The following SYPL2 variants were observed in gnomAD, a reference collection of about 807,000 sequenced individuals.
SYPL2 encodes the protein synaptophysin-like protein 2.
SYPL2 carries 24 observed loss-of-function variants against 31.3 expected under a neutral mutation model. The observed-to-expected ratio is 0.77, with a 90% CI of 0.56 to 1.08. The LOEUF is 1.08. SYPL2 is among the 50% of genes least tolerant of loss of function. SYPL2 has a pLI of 0.00. For missense variants in SYPL2, 342 were observed against 360.1 expected, an observed-to-expected ratio of 0.95 and a Z score of 0.41; for synonymous variants, 144 against 143.1, an observed-to-expected ratio of 1.01 and a Z score of -0.05.
intron 4 of SYPL2, 125 bp from the exon 5 acceptor site, chr1:109,477,693 G>C: frequency 2.9e-6 from 4 of 1,385,016 alleles, no homozygotes; most frequent in Non-Finnish European, 3.9e-6. Flanking sequence ...TCTAGGTGTT[G>C]GGTAGGATGG....
chr1:109,470,190 A>G (rs563448436), intron 2 of SYPL2, among the ~76,000 whole-genome samples: 57 of 152,302 alleles, frequency 3.7e-4, no homozygotes, highest in African/African-American at 1.3e-3. Context: ...GGGTCTTGCT[A>G]TGCTGCCCCA....
At chr1:109,477,539 G>A (rs1656038704) in intron 4 of SYPL2, among the ~76,000 whole-genome samples, 1 of 152,154 alleles carries the variant, frequency 6.6e-6, no homozygotes, top group Non-Finnish European at 1.5e-5. Context: ...CTCCACTTGG[G>A]ATGAGTGGGT....
chr1:109,473,111 G>A (rs1020216439), intron 2 of SYPL2, among the ~76,000 whole-genome samples: 4 of 152,140 alleles, frequency 2.6e-5, no homozygotes, highest in African/African-American at 9.7e-5. Flanking sequence ...AAAGATTAGC[G>A]AATTCCTATG....
chr1:109,468,184 T>C (rs1448773370), intron 2 of SYPL2, among the ~76,000 whole-genome samples: 2 of 152,210 alleles, frequency 1.3e-5, no homozygotes, highest in African/African-American at 4.8e-5. Flanking sequence ...GCAGAAGAGA[T>C]TTTAAATTAG....
At position 109,466,724 on chromosome 1, in the gene SYPL2, C is replaced by T. The variant is rs377023677; in HGVS notation, c.-120C>T. On this transcript the variant is annotated 5_prime_UTR_variant, in exon 1 of 6. Coordinates refer to ENST00000369872, the MANE Select transcript of SYPL2 (RefSeq NM_001040709.2). ...TCCGGCCCACCGACGGCCGCTCGCG[C>T]TCCGGCCCCGCTCGCCTGCTCTGCC... The T allele has an allele frequency of 3.7e-5, 42 of 1,141,024 alleles. No homozygotes were observed. In the East Asian group the frequency reaches 4.6e-4, roughly 13 times the overall value. 70.7% of individuals were successfully genotyped at this position (1,141,024 alleles called of 1,614,324 possible). A position where few individuals can be genotyped will look rare whatever the true frequency, so the allele number is the denominator to read the frequency against.
At position 109,478,176 on chromosome 1, in the gene SYPL2, C is replaced by T; in HGVS notation, c.648+167C>T. 1.4e-6 allele frequency: 2 copies of T among 1,409,530 alleles called. No individual in the cohort carries two copies. The highest frequency in any genetic ancestry group is 1.9e-6 in the Non-Finnish European group (2 of 1,078,150). The allele number at this position is 1,409,530 out of a possible 1,614,324, so 87.3% of individuals were successfully genotyped here. Reference sequence around the variant, plus strand: ...TGCTGGCTGCTGGCTCCTGGCTGACCCTGAGAGGACATTTTGGGATGAGGG... The same window carrying T: ...TGCTGGCTGCTGGCTCCTGGCTGACTCTGAGAGGACATTTTGGGATGAGGG... On this transcript the variant is annotated intron_variant, in intron 5 of 5. Transcript: ENST00000369872. This position sits in a 1 kb window ranked among gnomAD's most constrained non-coding sequence, Gnocchi z 4.0.
At position 109,479,514 on chromosome 1, in the gene SYPL2, G is replaced by A. The variant is rs756886402; in HGVS notation, c.785G>A (p.Ser262Asn). 8.1e-6 allele frequency: 13 copies of A among 1,614,108 alleles called. No homozygotes were observed. The highest frequency in any genetic ancestry group is 1.0e-5 in the Non-Finnish European group (12 of 1,180,048). Residue 262 changes from serine to asparagine, a missense_variant, in exon 6 of 6, where the codon AGT becomes AAT. Coordinates refer to ENST00000369872, the MANE Select transcript of SYPL2 (RefSeq NM_001040709.2). ...QDQGQGPSQE[S>N]AAEQGAVEKQ Reference sequence around the variant, plus strand: ...CAGGGCCAGGGTCCCAGCCAGGAGAGTGCAGCTGAGCAGGGAGCAGTGGAG... The same window carrying A: ...CAGGGCCAGGGTCCCAGCCAGGAGAATGCAGCTGAGCAGGGAGCAGTGGAG...
At chr1:109,479,070 G>A (rs935993636) in intron 5 of SYPL2, among the ~76,000 whole-genome samples, 1 of 152,242 alleles carries the variant, frequency 6.6e-6, no homozygotes, top group Non-Finnish European at 1.5e-5. Context: ...GCGCCCCAGG[G>A]CTGACTTTTG....
In SYPL2 at chr1:109,476,801, C is replaced by T. The variant is rs1656011325; in HGVS notation, c.280C>T (p.Pro94Ser). Reference protein sequence around the residue: ...FRLHRIQYEMPLCDEESSSKT... With the variant: ...FRLHRIQYEMSLCDEESSSKT... ...GTTGCACCGGATCCAATATGAGATG[C>T]CCCTCTGCGATGAAGAGTCCAGCTC... Residue 94 changes from proline (P) to serine (S), a missense_variant, in exon 4 of 6, where the codon CCC becomes TCC. Transcript: ENST00000369872. 2 of 1,614,144 alleles carry T rather than the reference C, an allele frequency of 1.2e-6. No individual in the cohort carries two copies. The highest frequency in any genetic ancestry group is 1.7e-6 in the Non-Finnish European group (2 of 1,180,024).
chr1:109,468,246 T>C (rs1015119137), intron 2 of SYPL2, among the ~76,000 whole-genome samples: 1 of 152,228 alleles, frequency 6.6e-6, no homozygotes, highest in Admixed American at 6.5e-5. Context: ...GTGCTCTCAG[T>C]ACAGAATTCA....
At chr1:109,472,605 CTTTTT>C (rs59224604) in intron 2 of SYPL2, among the ~76,000 whole-genome samples, 7 of 71,076 alleles carry the variant, frequency 9.8e-5, no homozygotes, top group African/African-American at 2.4e-4. Flanking sequence ...TTTTTCTTTA[CTTTTT>C]TTTTTTTTTT....
chr1:109,467,477 G>A (rs1267902125), intron 2 of SYPL2, among the ~76,000 whole-genome samples: 2 of 152,170 alleles, frequency 1.3e-5, no homozygotes, highest in East Asian at 3.9e-4. Context: ...CGGGAGGGGG[G>A]AGAAGGACGA....
intron 5 of SYPL2, 114 bp from the exon 6 acceptor site, chr1:109,479,264 C>G: frequency 8.5e-7 from 1 of 1,179,642 alleles, no homozygotes; most frequent in Non-Finnish European, 1.2e-6. Context: ...CTTTCTAGTC[C>G]TCTGTGCTTC....
chr1:109,480,223 A>G lies in SYPL2; in HGVS notation c.*675A>G, dbSNP rs1462260937. ...TCAGCTGGGAGCAAGATAAATTGCAACTGAGTTGCAGCTTCAAGAAAGTAA... is the reference window on the plus strand; with the variant it reads ...TCAGCTGGGAGCAAGATAAATTGCAGCTGAGTTGCAGCTTCAAGAAAGTAA... On this transcript the variant is annotated 3_prime_UTR_variant, in exon 6 of 6. Transcript: ENST00000369872. 6.6e-6 allele frequency: 1 copy of G among 152,228 alleles called. No individual in the cohort carries two copies. The highest frequency in any genetic ancestry group is 1.5e-5 in the Non-Finnish European group (1 of 68,058). 9.4% of individuals were successfully genotyped at this position (152,228 alleles called of 1,614,324 possible). A position where few individuals can be genotyped will look rare whatever the true frequency, so the allele number is the denominator to read the frequency against.
intron 2 of SYPL2, among the ~76,000 whole-genome samples, chr1:109,470,413 G>A (rs935106038): frequency 3.3e-5 from 5 of 152,236 alleles, no homozygotes; most frequent in Non-Finnish European, 7.3e-5. Flanking sequence ...ATTATCACCA[G>A]CGAGCATGTC....
intron 4 of SYPL2, 35 bp downstream of exon 4, chr1:109,477,012 G>A (rs1557861375): frequency 1.2e-6 from 2 of 1,612,064 alleles, no homozygotes; most frequent in Admixed American, 1.7e-5. Context: ...ATGGGGTGGA[G>A]AAACAGATGT....
Position 109,477,955 on chromosome 1 carries a change from A to G in SYPL2, c.594A>G (p.Glu198=), listed in dbSNP as rs1367453874. The change falls in exon 5 of 6, where the codon GAA becomes GAG. Residue 198 remains glutamate, a synonymous_variant. Transcript: ENST00000369872. The part of the protein sequence containing the change: ...TAAMSVCHGE[E]AVCSAGATPS... ...CCATGTCAGTGTGCCATGGAGAGGA[A>G]GCAGTGTGCAGTGCCGGGGCCACGC... 6.2e-7 allele frequency: 1 copy of G among 1,614,240 alleles called. No individual in the cohort carries two copies. The highest frequency in any genetic ancestry group is 2.2e-5 in the East Asian group (1 of 44,876).
Position 109,478,056 on chromosome 1 carries a change from A to G in SYPL2, c.648+47A>G. ...GGAAGCAGCACCAGCCCTGCTGCCC[A>G]GGCCTGTCCCAGCTAGCAGGTCCTG... On this transcript the variant is annotated intron_variant, in intron 5 of 5. Coordinates refer to ENST00000369872, the MANE Select transcript of SYPL2 (RefSeq NM_001040709.2). This position sits in a 1 kb window ranked among gnomAD's most constrained non-coding sequence, Gnocchi z 4.0. 16 of 1,605,198 alleles carry G rather than the reference A, an allele frequency of 1.0e-5. No individual in the cohort carries two copies. Among genetic ancestry groups the G allele is most frequent in the Non-Finnish European group, 1.3e-5 (15 of 1,176,154 alleles).
At position 109,479,585 on chromosome 1, in the gene SYPL2, A is replaced by G. The variant is rs180705097; in HGVS notation, c.*37A>G. The G allele has an allele frequency of 2.4e-4, 376 of 1,592,636 alleles. 5 individuals carry two copies. The East Asian group carries it at 8.4e-3, about 35-fold the overall frequency. Reference sequence around the variant, plus strand: ...CCTGGCTATTCCCGAACTGGACAGCACCTCTTCAACCACCTCCGGCTTCCA... The same window carrying G: ...CCTGGCTATTCCCGAACTGGACAGCGCCTCTTCAACCACCTCCGGCTTCCA... On this transcript the variant is annotated 3_prime_UTR_variant, in exon 6 of 6. Coordinates refer to ENST00000369872, the MANE Select transcript of SYPL2 (RefSeq NM_001040709.2).
Sources: gnomAD v4.1 joint callset for allele counts (sites outside exome capture counted in the v4.1 genomes callset) on GRCh38, gnomAD v4.1.1 for gene constraint, Gnocchi (gnomAD v3.1) non-coding constraint, MANE v1.5 for transcripts, NCBI Gene and HGNC (gene_info 2026-07-23, HGNC 2026-07-21) for gene names.